TMTC1: variants seen among roughly 807,000 people sequenced by gnomAD.
TMTC1 encodes the protein protein O-mannosyl-transferase TMTC1.
Under a neutral mutation model 104.8 loss-of-function variants are expected in TMTC1, and 73 were observed. That is an observed-to-expected ratio of 0.70 (90% CI 0.58 to 0.85). TMTC1 has a LOEUF of 0.85. TMTC1 is among the 40% of genes least tolerant of loss of function. TMTC1 has a pLI of 0.00. For missense variants in TMTC1, 1,035 were observed against 1,096.1 expected (o/e 0.94, Z 0.79); for synonymous variants, 434 against 428.7 (o/e 1.01, Z -0.15).
At chr12:29,559,154 A>G (rs299483) in intron 9 of TMTC1, among the ~76,000 whole-genome samples, 146,464 of 152,278 alleles carry the variant, frequency 0.96, 70,534 homozygotes, top group Middle Eastern at 0.99. Flanking sequence ...TCGTAGAGGA[A>G]ATAATTTCTT....
chr12:29,760,986 AT>A (rs201231885), intron 2 of TMTC1, among the ~76,000 whole-genome samples: 18,886 of 147,348 alleles, frequency 0.13, 1,207 homozygotes, highest in East Asian at 0.19. Flanking sequence ...TATATTATGT[AT>A]TTTTTATATA....
At chr12:29,673,202 C>G (rs573306908) in intron 5 of TMTC1, among the ~76,000 whole-genome samples, 4 of 151,854 alleles carry the variant, frequency 2.6e-5, no homozygotes, top group Non-Finnish European at 5.9e-5. Flanking sequence ...GGTTTCAACT[C>G]TAGTCAATTT....
intron 7 of TMTC1, among the ~76,000 whole-genome samples, chr12:29,602,346 G>A (rs1308981878): frequency 6.6e-6 from 1 of 152,084 alleles, no homozygotes; most frequent in Non-Finnish European, 1.5e-5. Context: ...GTCTCACCAT[G>A]TTGCCCAGGC....
At chr12:29,726,126 G>GA (rs1380029107) in intron 5 of TMTC1, among the ~76,000 whole-genome samples, 1 of 152,128 alleles carries the variant, frequency 6.6e-6, no homozygotes, top group Admixed American at 6.5e-5. Context: ...ATTGCTCTGG[G>GA]AAAAAACAAT....
intron 5 of TMTC1, among the ~76,000 whole-genome samples, chr12:29,709,486 A>G (rs1268531830): frequency 6.6e-6 from 1 of 152,218 alleles, no homozygotes; most frequent in Non-Finnish European, 1.5e-5. Context: ...ATATTTCCAC[A>G]TTAACACAAA....
At chr12:29,775,656 T>G (rs950151253) in intron 1 of TMTC1, among the ~76,000 whole-genome samples, 1 of 152,132 alleles carries the variant, frequency 6.6e-6, no homozygotes, top group Non-Finnish European at 1.5e-5. Flanking sequence ...CAAACTTCAG[T>G]GTCCAGAGTT....
intron 7 of TMTC1, among the ~76,000 whole-genome samples, chr12:29,600,134 T>C (rs910125018): frequency 6.7e-6 from 1 of 149,704 alleles, no homozygotes; most frequent in Non-Finnish European, 1.5e-5. Context: ...AAAAAAAACA[T>C]TTTGAACATG....
At chr12:29,713,048 C>T (rs145657502) in intron 5 of TMTC1, among the ~76,000 whole-genome samples, 1 of 151,882 alleles carries the variant, frequency 6.6e-6, no homozygotes, top group African/African-American at 2.4e-5. Context: ...ATAATGTGGG[C>T]GAGGCTCATC....
intron 9 of TMTC1, among the ~76,000 whole-genome samples, chr12:29,564,282 G>T (rs1945451735): frequency 6.6e-6 from 1 of 152,138 alleles, no homozygotes; most frequent in Non-Finnish European, 1.5e-5. Flanking sequence ...TAGAGTCATA[G>T]ATTTGAGGGT....
chr12:29,690,768 T>A (rs941265449), intron 5 of TMTC1, among the ~76,000 whole-genome samples: 8 of 152,244 alleles, frequency 5.3e-5, no homozygotes, highest in Non-Finnish European at 1.2e-4. Context: ...TTAAGACATT[T>A]TGGGAAAATA....
intron 11 of TMTC1, chr12:29,530,072 C>G (rs925532970): frequency 2.0e-5 from 3 of 152,186 alleles, no homozygotes; most frequent in Non-Finnish European, 2.9e-5. Flanking sequence ...AGACTTTTCT[C>G]ATGCCATTTT....
intron 7 of TMTC1, among the ~76,000 whole-genome samples, chr12:29,589,098 T>G (rs1946214736): frequency 1.3e-5 from 2 of 152,254 alleles, no homozygotes; most frequent in Admixed American, 1.3e-4. Flanking sequence ...CCTTATCTTA[T>G]GTAAAGCCCC....
intron 1 of TMTC1, among the ~76,000 whole-genome samples, chr12:29,770,443 T>C (rs1477370153): frequency 2.0e-5 from 3 of 152,180 alleles, no homozygotes; most frequent in Admixed American, 6.5e-5. Flanking sequence ...CTTCTGACGG[T>C]TGGCTTAAAT....
intron 5 of TMTC1, among the ~76,000 whole-genome samples, chr12:29,640,164 C>T (rs1938766190): frequency 6.6e-6 from 1 of 152,110 alleles, no homozygotes; most frequent in Non-Finnish European, 1.5e-5. Flanking sequence ...CAAGCAACTC[C>T]GACAAGCTTC....
At chr12:29,737,829 T>C (rs1942721588) in intron 5 of TMTC1, among the ~76,000 whole-genome samples, 1 of 152,126 alleles carries the variant, frequency 6.6e-6, no homozygotes, top group African/African-American at 2.4e-5. Flanking sequence ...CCCAAGGGCG[T>C]GGTGACAGTT....
chr12:29,762,144 G>A (rs971687855), intron 2 of TMTC1, among the ~76,000 whole-genome samples: 10 of 151,996 alleles, frequency 6.6e-5, no homozygotes, highest in South Asian at 2.1e-4. Flanking sequence ...ACATCACTGC[G>A]CCCCAGCCTG....
At chr12:29,780,410 G>C (rs1943807275) in intron 1 of TMTC1, among the ~76,000 whole-genome samples, 1 of 152,206 alleles carries the variant, frequency 6.6e-6, no homozygotes, top group Non-Finnish European at 1.5e-5. Flanking sequence ...TACATACTAT[G>C]TGATTCCATT....
chr12:29,722,911 ACT>A (rs1184876020), intron 5 of TMTC1, among the ~76,000 whole-genome samples: 2 of 118,746 alleles, frequency 1.7e-5, no homozygotes, highest in African/African-American at 3.0e-5. Context: ...ACAGAGCAAG[ACT>A]CTGTCTCAAA....
chr12:29,675,609 CA>C (rs67830359), intron 5 of TMTC1, among the ~76,000 whole-genome samples: 34,507 of 147,444 alleles, frequency 0.23, 4,157 homozygotes, highest in Admixed American at 0.33. Context: ...CACACACACA[CA>C]CACACACACA....
Sources: gnomAD v4.1 joint callset for allele counts (sites outside exome capture counted in the v4.1 genomes callset) on GRCh38, gnomAD v4.1.1 for gene constraint, MANE v1.5 for transcripts, NCBI Gene and HGNC (gene_info 2026-07-23, HGNC 2026-07-21) for gene names.